Variants in NFATC3 observed in about 807,000 individuals in gnomAD.
NFATC3 encodes nuclear factor of activated T cells 3, also known as nuclear factor of activated T-cells, cytoplasmic 3.
A neutral mutation model predicts 98.6 loss-of-function variants in NFATC3; 46 were observed. The ratio of observed to expected loss-of-function variants is 0.47; its 90% confidence interval spans 0.37 to 0.60. NFATC3 has a LOEUF of 0.60. Among genes scored for constraint, NFATC3 ranks in the 20% least tolerant of loss-of-function variants. The pLI is 0.00. For synonymous variants in NFATC3, 512 were observed against 472.2 expected, an observed-to-expected ratio of 1.08 and a Z score of -1.09; for missense variants, 1,256 against 1,295.5, an observed-to-expected ratio of 0.97 and a Z score of 0.47.
intron 9 of NFATC3, chr16:68,214,267 G>A: frequency 7.9e-7 from 1 of 1,271,146 alleles, no homozygotes; most frequent in Non-Finnish European, 1.1e-6. Context: ...GGGCACTGTA[G>A]TAGATTAAGT....
chr16:68,152,710 G>A (rs1567522690), intron 3 of NFATC3, among the ~76,000 whole-genome samples: 1 of 152,126 alleles, frequency 6.6e-6, no homozygotes, highest in Non-Finnish European at 1.5e-5. Context: ...TTGTGAACTA[G>A]GAGTGGTTTT....
Position 68,226,748 on chromosome 16 carries a change from G to A in NFATC3, c.*277G>A. On this transcript the variant is annotated 3_prime_UTR_variant, in exon 10 of 10. Transcript: ENST00000346183. ...GGTGCTTTGAGTGTGAATGCAGCAG[G>A]CTCTCTTGTTTCCGAGGTGCTGCTT... is the stretch of plus-strand genomic sequence containing the variant. The A allele has an allele frequency of 4.0e-6, 1 of 248,322 alleles. No individual in the cohort carries two copies. The highest frequency in any genetic ancestry group is 5.6e-5 in the Admixed American group (1 of 17,842). 15.4% of individuals were successfully genotyped at this position (248,322 alleles called of 1,614,324 possible). A position where few individuals can be genotyped will look rare whatever the true frequency, so the allele number is the denominator to read the frequency against.
Position 68,122,140 on chromosome 16 carries a change from A to G in NFATC3, c.257A>G (p.Tyr86Cys), listed in dbSNP as rs371400948. Reference sequence around the variant, plus strand: ...TTTCAGCTCCAAAGTCACAAAAACTATGAAGGAACTTGTGAGATTCCTGAA... The same window carrying G: ...TTTCAGCTCCAAAGTCACAAAAACTGTGAAGGAACTTGTGAGATTCCTGAA... ...PSFQLQSHKN[Y>C]EGTCEIPESK... Residue 86 changes from tyrosine (Y) to cysteine (C), a missense_variant, in exon 2 of 10, where the codon TAT becomes TGT. Transcript: ENST00000346183. 2.0e-5 allele frequency: 33 copies of G among 1,614,148 alleles called. 1 individual carries two copies. In the South Asian group the frequency reaches 2.4e-4, roughly 12 times the overall value.
chr16:68,123,186 A>G, intron 2 of NFATC3, 65 bp downstream of exon 2: 2 of 1,491,352 alleles, frequency 1.3e-6, no homozygotes, highest in Non-Finnish European at 1.8e-6. Flanking sequence ...GCATATAACT[A>G]CATTATCAGT....
intron 9 of NFATC3, among the ~76,000 whole-genome samples, chr16:68,205,839 A>G (rs765696392): frequency 6.6e-6 from 1 of 152,160 alleles, no homozygotes; most frequent in Non-Finnish European, 1.5e-5. Flanking sequence ...TATTCTTAAA[A>G]TAGAATATTC....
intron 1 of NFATC3, among the ~76,000 whole-genome samples, chr16:68,098,642 G>A (rs1183337025): frequency 6.6e-6 from 1 of 152,110 alleles, no homozygotes; most frequent in East Asian, 1.9e-4. Context: ...TTCCAAAGTG[G>A]TTATATCATT....
intron 3 of NFATC3, among the ~76,000 whole-genome samples, chr16:68,133,762 T>G (rs1447235875): frequency 2.0e-5 from 3 of 152,206 alleles, no homozygotes; most frequent in African/African-American, 4.8e-5. Context: ...TTTTTTTCAT[T>G]GCTTTGTGTT....
intron 1 of NFATC3, among the ~76,000 whole-genome samples, chr16:68,103,725 G>A (rs1003113598): frequency 1.3e-5 from 2 of 152,060 alleles, no homozygotes; most frequent in Middle Eastern, 3.2e-3. Context: ...TTTGTATATG[G>A]TATGAGGAAG....
intron 1 of NFATC3, among the ~76,000 whole-genome samples, chr16:68,090,511 A>G (rs1051941417): frequency 2.6e-5 from 4 of 152,126 alleles, no homozygotes; most frequent in African/African-American, 4.8e-5. Flanking sequence ...TAAACCTTAC[A>G]TGAGTTAGAA....
intron 9 of NFATC3, among the ~76,000 whole-genome samples, chr16:68,219,776 G>T (rs910712532): frequency 1.3e-5 from 2 of 152,134 alleles, no homozygotes; most frequent in Non-Finnish European, 2.9e-5. Flanking sequence ...AGAAAGGCCC[G>T]TTGGGATTTT....
At chr16:68,189,001 C>T (rs971434639) in intron 8 of NFATC3, among the ~76,000 whole-genome samples, 1 of 152,194 alleles carries the variant, frequency 6.6e-6, no homozygotes, top group African/African-American at 2.4e-5. Context: ...AGCCACTGCG[C>T]CCAGCCCCAA....
chr16:68,088,955 A>C (rs1001845366), intron 1 of NFATC3: 13 of 985,160 alleles, frequency 1.3e-5, no homozygotes, highest in African/African-American at 1.7e-5. Flanking sequence ...GAGCCACTGC[A>C]CATAGCCCCT....
At position 68,181,351 on chromosome 16, in the gene NFATC3, A is replaced by G. The variant is rs574959620; in HGVS notation, c.1916-124A>G. On this transcript the variant is annotated intron_variant, in intron 6 of 9. Coordinates refer to ENST00000346183, the MANE Select transcript of NFATC3 (RefSeq NM_173165.3). ...TACATATTTATATTTTATTTTCATA[A>G]TGGAAGTCAGTGGAAAAAAGATCCC... 5.8e-6 allele frequency: 4 copies of G among 690,524 alleles called. No homozygotes were observed. The East Asian group carries it at 8.2e-5, about 14-fold the overall frequency. 42.8% of individuals were successfully genotyped at this position (690,524 alleles called of 1,614,324 possible).
intron 5 of NFATC3, among the ~76,000 whole-genome samples, chr16:68,172,368 A>G (rs1003775930): frequency 2.6e-5 from 4 of 152,194 alleles, no homozygotes; most frequent in East Asian, 3.8e-4. Flanking sequence ...ACTAGAAGTA[A>G]AAGTGGACCT....
chr16:68,195,119 G>T (rs1476331084), intron 9 of NFATC3, among the ~76,000 whole-genome samples: 3 of 152,038 alleles, frequency 2.0e-5, no homozygotes, highest in South Asian at 4.2e-4. Flanking sequence ...AGCCAGCGTG[G>T]TGGTGGGTGC....
At chr16:68,155,644 G>T (rs1211152725) in intron 3 of NFATC3, among the ~76,000 whole-genome samples, 1 of 152,082 alleles carries the variant, frequency 6.6e-6, no homozygotes, top group Admixed American at 6.6e-5. Context: ...CATTCCACCC[G>T]CCAGGCCTTT....
At position 68,191,919 on chromosome 16, in the gene NFATC3, A is replaced by G. The variant is rs548091822; in HGVS notation, c.3106+144A>G. On this transcript the variant is annotated intron_variant, in intron 9 of 9. Transcript: ENST00000346183. ...GTTGTTATTAGAAATATATGTTAAT[A>G]TATAACTTTGCCAGGTACCACGGCT... 6.6e-6 allele frequency: 6 copies of G among 910,426 alleles called. No homozygotes were observed. In the Admixed American group the frequency reaches 1.3e-4, roughly 20 times the overall value. The allele number at this position is 910,426 out of a possible 1,614,324, so 56.4% of individuals were successfully genotyped here. A position where few individuals can be genotyped will look rare whatever the true frequency, so the allele number is the denominator to read the frequency against.
At chr16:68,160,843 C>T (rs1225761226) in intron 4 of NFATC3, among the ~76,000 whole-genome samples, 3 of 152,118 alleles carry the variant, frequency 2.0e-5, no homozygotes, top group African/African-American at 7.2e-5. Context: ...CACCACCACT[C>T]CTGGCTAATT....
intron 9 of NFATC3, among the ~76,000 whole-genome samples, chr16:68,220,591 T>TAAC: frequency 6.6e-6 from 1 of 151,422 alleles, no homozygotes; most frequent in South Asian, 2.1e-4. Context: ...GAGTTTATTT[T>TAAC]TCCTTTTTTT....
Sources: gnomAD v4.1 joint callset for allele counts (sites outside exome capture counted in the v4.1 genomes callset) on GRCh38, gnomAD v4.1.1 for gene constraint, MANE v1.5 for transcripts, NCBI Gene and HGNC (gene_info 2026-07-23, HGNC 2026-07-21) for gene names.